The following CHKB variants were observed in gnomAD, a reference collection of about 807,000 sequenced individuals.
The protein encoded by CHKB is choline/ethanolamine kinase.
Under a neutral mutation model 57.3 loss-of-function variants are expected in CHKB, and 45 were observed. The ratio of observed to expected loss-of-function variants is 0.79; its 90% CI spans 0.62 to 1.01. The LOEUF is 1.01. Ranked by LOEUF, CHKB falls within the 50% of genes least tolerant of loss-of-function variation. The pLI is 0.00. For missense variants in CHKB, 517 were observed against 502.8 expected (o/e 1.03, Z -0.27); for synonymous variants, 224 against 201.8 (o/e 1.11, Z -0.93).
rs918626326 is a variant in CHKB, at chr22:50,581,607, G to T, written c.448-54C>A. On this transcript the variant is annotated intron_variant, in intron 3 of 10. Coordinates refer to ENST00000406938, the MANE Select transcript of CHKB (RefSeq NM_005198.5). ...ATGGGGCTGGGGCAGGAGTGGGAAG[G>T]GCTGGGGCAATGAGGGGAAGTCAGG... 17 of 1,611,290 alleles carry T rather than the reference G, an allele frequency of 1.1e-5. No homozygotes were observed. In the South Asian group the frequency reaches 1.8e-4, roughly 17 times the overall value.
intron 1 of CHKB, 55 bp from the exon 2 acceptor site, chr22:50,582,412 C>A: frequency 1.3e-6 from 2 of 1,491,512 alleles, no homozygotes; most frequent in African/African-American, 1.4e-5. Context: ...CTGCCGCGGC[C>A]CCGGCCCCCT....
At chr22:50,580,832 T>G (rs2070677156) in intron 4 of CHKB, 172 bp from the exon 5 acceptor site, 2 of 660,532 alleles carry the variant, frequency 3.0e-6, no homozygotes, top group East Asian at 3.0e-5. Context: ...CAGGCTGGAG[T>G]GCAGTGGCGC....
At chr22:50,581,950 C>G in intron 2 of CHKB, 88 bp from the exon 3 acceptor site, 1 of 1,173,870 alleles carries the variant, frequency 8.5e-7, no homozygotes. Flanking sequence ...AGAGCTGCGA[C>G]TTCTGATCCA....
rs927716556 is a variant in CHKB at position 50,582,776 on chromosome 22, C to A, written c.6G>T (p.Ala2=). The change falls in exon 1 of 11, where the codon GCG becomes GCT. Residue 2 remains alanine, a synonymous_variant. Transcript: ENST00000406938. Reference sequence around the variant, plus strand: ...TTCCGGCCACAGCTGTCGCCTCGGCCGCCATGGCGCGGGCTCGACCGGGCC... The same window carrying A: ...TTCCGGCCACAGCTGTCGCCTCGGCAGCCATGGCGCGGGCTCGACCGGGCC... M[A]AEATAVAGSG... 13 of 1,571,078 alleles carry A rather than the reference C, an allele frequency of 8.3e-6. No individual in the cohort carries two copies. The highest frequency in any genetic ancestry group is 1.1e-5 in the Non-Finnish European group (13 of 1,160,204).
chr22:50,580,307 G>T, intron 6 of CHKB, 36 bp from the exon 7 acceptor site: 1 of 1,613,764 alleles, frequency 6.2e-7, no homozygotes, highest in Non-Finnish European at 8.5e-7. Flanking sequence ...TCACTCCAGA[G>T]CCCTCTGGCT....
Position 50,582,143 on chromosome 22 carries a change from C to T in CHKB, c.333+106G>A. 7.5e-6 allele frequency: 8 copies of T among 1,060,710 alleles called. No homozygotes were observed. The South Asian group carries it at 1.1e-4, about 14-fold the overall frequency. 65.7% of individuals were successfully genotyped at this position (1,060,710 alleles called of 1,614,324 possible). On this transcript the variant is annotated intron_variant, in intron 2 of 10. Coordinates refer to ENST00000406938, the MANE Select transcript of CHKB (RefSeq NM_005198.5). ...CGGTGTAATGAGGTGTTACTCAGACCGTGAACCTCGGTGTCCTCAACTGCG... is the reference window on the plus strand; with the variant it reads ...CGGTGTAATGAGGTGTTACTCAGACTGTGAACCTCGGTGTCCTCAACTGCG...
intron 9 of CHKB, 103 bp from the exon 10 acceptor site, chr22:50,579,610 C>T (rs1019660259): frequency 6.7e-6 from 10 of 1,492,640 alleles, no homozygotes; most frequent in Non-Finnish European, 7.5e-6. Context: ...AACTTCTCCC[C>T]CACTGTCCTA....
chr22:50,580,143 G>T (rs760131828), intron 7 of CHKB, 47 bp downstream of exon 7: 55 of 1,613,030 alleles, frequency 3.4e-5, no homozygotes, highest in Non-Finnish European at 4.3e-5. Flanking sequence ...CTGTTTTCAA[G>T]AGCCCTATGG....
At chr22:50,580,456 C>G (rs2146654143) in intron 5 of CHKB, 40 bp from the exon 6 acceptor site, 2 of 1,613,022 alleles carry the variant, frequency 1.2e-6, no homozygotes. Flanking sequence ...GCAGGAGTGA[C>G]TAGAGGAGGA....
Position 50,579,255 on chromosome 22 carries a change from C to G in CHKB, c.1114G>C (p.Asp372His), listed in dbSNP as rs1415692835. The change falls in exon 11 of 11, where the codon GAC becomes CAC. Residue 372 changes from aspartate to histidine, a missense_variant and splice_region_variant. Coordinates refer to ENST00000406938, the MANE Select transcript of CHKB (RefSeq NM_005198.5). ...SMSTIEFGYL[D>H]YAQSRFQFYF... ...AACTGGAACCGAGACTGGGCATAGTCCTAGGGAAGGAAACCCACCCCACAC... is the reference window on the plus strand; with the variant it reads ...AACTGGAACCGAGACTGGGCATAGTGCTAGGGAAGGAAACCCACCCCACAC... The G allele has an allele frequency of 5.0e-6, 8 of 1,613,464 alleles. No individual in the cohort carries two copies. The highest frequency in any genetic ancestry group is 6.8e-6 in the Non-Finnish European group (8 of 1,179,794).
rs1366530797 is a variant in CHKB, at chr22:50,582,350, G to A, written c.232C>T (p.Leu78Phe). 3 of 1,559,250 alleles carry A rather than the reference G, an allele frequency of 1.9e-6. No individual in the cohort carries two copies. Among genetic ancestry groups the A allele is most frequent in the Non-Finnish European group, 2.6e-6 (3 of 1,154,272 alleles). The change falls in exon 2 of 11, where the codon CTC (leucine) becomes TTC (phenylalanine). Residue 78 changes from leucine (L) to phenylalanine (F), a missense_variant. Physicochemically the swap from Leu to Phe is conservative, Grantham distance 22 (BLOSUM62 0). Coordinates refer to ENST00000406938, the MANE Select transcript of CHKB (RefSeq NM_005198.5). ...GAGCAGCGGAAGAGCAGGTTGCTGA[G>A]GCCTCCGCTGCAGACCCACACCAGG... ...ELRVYPVSGG[L>F]SNLLFRCSLP...
At position 50,580,633 on chromosome 22, in the gene CHKB, G is replaced by A; in HGVS notation, c.609C>T (p.Pro203=). The A allele has an allele frequency of 6.2e-7, 1 of 1,614,018 alleles. No individual in the cohort carries two copies. The highest frequency in any genetic ancestry group is 8.5e-7 in the Non-Finnish European group (1 of 1,180,018). Residue 203 remains proline (P), a synonymous_variant, in exon 5 of 11, where the codon CCC becomes CCT. Transcript: ENST00000406938. ...GGTTCATCTCAGGGAGGCCAGTTGG[G>A]GGCAGGTCCTGGATCTGTTTTAGGT... ...ERYLKQIQDL[P]PTGLPEMNLL... is the part of the protein sequence containing the mutation.
At position 50,579,778 on chromosome 22, in the gene CHKB, G is replaced by A. The variant is rs371355721; in HGVS notation, c.980C>T (p.Ser327Phe). The change falls in exon 9 of 11, where the codon TCC becomes TTC. Residue 327 changes from serine (S) to phenylalanine (F), a missense_variant. Coordinates refer to ENST00000406938, the MANE Select transcript of CHKB (RefSeq NM_005198.5). ...TTCCAGTTTTCTCTGCTCCTCTTGG[G>A]AGAGGGTCTCACCTTTCTTTGCCTC... ...LAEAKKGETL[S>F]QEEQRKLEED... is the part of the protein sequence containing the mutation. 2.8e-5 allele frequency: 45 copies of A among 1,613,902 alleles called. No homozygotes were observed. The highest frequency in any genetic ancestry group is 2.7e-4 in the East Asian group (12 of 44,894).
chr22:50,580,313 T>C (rs752801856), intron 6 of CHKB, 42 bp from the exon 7 acceptor site: 1 of 1,613,378 alleles, frequency 6.2e-7, no homozygotes, highest in Non-Finnish European at 8.5e-7. Context: ...CAGAGCCCTC[T>C]GGCTCTTCCA....
chr22:50,579,577 G>C (rs1173509581), intron 9 of CHKB, 70 bp from the exon 10 acceptor site: 1 of 1,576,512 alleles, frequency 6.3e-7, no homozygotes, highest in Non-Finnish European at 8.7e-7. Context: ...CCCTCACCCA[G>C]GTTGGCCAAT....
chr22:50,579,245 T>C lies in CHKB; in HGVS notation c.1124A>G (p.Gln375Arg). 6.2e-7 allele frequency: 1 copy of C among 1,613,706 alleles called. No homozygotes were observed. The highest frequency in any genetic ancestry group is 8.5e-7 in the Non-Finnish European group (1 of 1,179,854). The stretch of plus-strand genomic sequence containing the variant: ...CTGGAAGTAGAACTGGAACCGAGAC[T>C]GGGCATAGTCCTAGGGAAGGAAACC... ...TIEFGYLDYA[Q>R]SRFQFYFQQK... is the part of the protein sequence containing the mutation. The change falls in exon 11 of 11, where the codon CAG becomes CGG. Residue 375 changes from glutamine to arginine, a missense_variant. Transcript: ENST00000406938.
At chr22:50,582,418 C>T in intron 1 of CHKB, 61 bp from the exon 2 acceptor site, 1 of 1,466,596 alleles carries the variant, frequency 6.8e-7, no homozygotes, top group Non-Finnish European at 9.1e-7. Flanking sequence ...CGGCCCCGGC[C>T]CCCTCCCGGC....
intron 4 of CHKB, 125 bp from the exon 5 acceptor site, chr22:50,580,785 CT>C: frequency 2.3e-6 from 2 of 883,466 alleles, no homozygotes; most frequent in Non-Finnish European, 3.6e-6. Flanking sequence ...GCAATCATTT[CT>C]TTTTTTCTTT....
Position 50,580,070 on chromosome 22 carries a change from A to C in CHKB, c.831T>G (p.Ile277Met), listed in dbSNP as rs2070650980. 6.2e-7 allele frequency: 1 copy of C among 1,613,956 alleles called. No homozygotes were observed. The highest frequency in any genetic ancestry group is 1.7e-5 in the Admixed American group (1 of 60,022). Residue 277 changes from isoleucine (I) to methionine (M), a missense_variant, in exon 8 of 11, where the codon ATT becomes ATG. Physicochemically the swap from Ile to Met is conservative, Grantham distance 10 (BLOSUM62 1). Coordinates refer to ENST00000406938, the MANE Select transcript of CHKB (RefSeq NM_005198.5). Reference protein sequence around the residue: ...YSSYNYRGFDIGNHFCEWVYD... With the variant: ...YSSYNYRGFDMGNHFCEWVYD... ...AAACCCACTCACAAAAATGGTTCCC[A>C]ATGTCAAAGCCCCTGGGAGAATAAG...
Sources: gnomAD v4.1 joint callset for allele counts on GRCh38, gnomAD v4.1.1 for gene constraint, MANE v1.5 for transcripts, NCBI Gene and HGNC (gene_info 2026-07-23, HGNC 2026-07-21) for gene names.